PDE1C: variants seen among roughly 807,000 people sequenced by gnomAD.
PDE1C encodes the protein dual specificity calcium/calmodulin-dependent 3',5'-cyclic nucleotide phosphodiesterase 1C.
Under a neutral mutation model 93.1 loss-of-function variants are expected in PDE1C, and 62 were observed. That is an observed-to-expected ratio of 0.67 (90% CI 0.54 to 0.82). PDE1C has a LOEUF of 0.82. Among genes scored for constraint, PDE1C ranks in the 40% least tolerant of loss-of-function variants. The pLI is 0.00. For missense variants in PDE1C, 742 were observed against 884.6 expected, an observed-to-expected ratio of 0.84 and a Z score of 2.04; for synonymous variants, 325 against 310.1, an observed-to-expected ratio of 1.05 and a Z score of -0.50.
At chr7:32,267,470 G>A (rs1429649940) in intron 1 of PDE1C, among the ~76,000 whole-genome samples, 1 of 152,168 alleles carries the variant, frequency 6.6e-6, no homozygotes, top group Non-Finnish European at 1.5e-5. Context: ...AGGTAGAAGG[G>A]GGTGACCCAT....
intron 2 of PDE1C, among the ~76,000 whole-genome samples, chr7:32,012,944 C>G (rs1787355936): frequency 6.6e-6 from 1 of 152,142 alleles, no homozygotes; most frequent in Non-Finnish European, 1.5e-5. Flanking sequence ...CAACTGATAA[C>G]TAATTCAATC....
At chr7:31,868,670 T>C (rs1188235651) in intron 6 of PDE1C, among the ~76,000 whole-genome samples, 1 of 152,060 alleles carries the variant, frequency 6.6e-6, no homozygotes, top group Non-Finnish European at 1.5e-5. Flanking sequence ...AGCAATAGAC[T>C]TAGACACCCA....
At chr7:31,900,458 G>C (rs1799831017) in intron 2 of PDE1C, among the ~76,000 whole-genome samples, 1 of 146,298 alleles carries the variant, frequency 6.8e-6, no homozygotes, top group Admixed American at 6.9e-5. Flanking sequence ...ATTGAAAGTT[G>C]TGAAAGTACT....
chr7:32,302,657 A>G, upstream of PDE1C, among the ~76,000 whole-genome samples: 1 of 152,264 alleles, frequency 6.6e-6, no homozygotes, highest in East Asian at 1.9e-4. Context: ...ATTAATGGCA[A>G]GTTCTTGTTG....
intron 1 of PDE1C, among the ~76,000 whole-genome samples, chr7:32,318,755 C>T (rs1783223897): frequency 6.6e-6 from 1 of 152,154 alleles, no homozygotes; most frequent in African/African-American, 2.4e-5. Flanking sequence ...AGATGCATTA[C>T]ATTTGCCCGC....
At chr7:32,070,505 G>T, upstream of PDE1C, 1 of 1,528,774 alleles carries the variant, frequency 6.5e-7, no homozygotes, top group South Asian at 1.3e-5. Flanking sequence ...CGTTTGCCCG[G>T]CACTTTCTCG....
chr7:32,218,658 A>C (rs1806611162), intron 1 of PDE1C, among the ~76,000 whole-genome samples: 1 of 152,200 alleles, frequency 6.6e-6, no homozygotes, highest in Admixed American at 6.5e-5. Context: ...AAGTTTGCTT[A>C]TTTATCTACA....
intron 1 of PDE1C, among the ~76,000 whole-genome samples, chr7:32,226,711 G>A (rs546132021): frequency 6.6e-5 from 10 of 152,320 alleles, no homozygotes; most frequent in South Asian, 6.2e-4. Flanking sequence ...TGTCTAGCAC[G>A]TAGGAAGCAC....
At chr7:32,184,089 T>C (rs4302735) in intron 2 of PDE1C, among the ~76,000 whole-genome samples, 65,826 of 151,940 alleles carry the variant, frequency 0.43, 15,320 homozygotes, top group East Asian at 0.76. Context: ...AAGTCAAAAC[T>C]ACAATGAGAT....
intron 17 of PDE1C, among the ~76,000 whole-genome samples, chr7:31,769,746 T>C (rs932485491): frequency 6.6e-6 from 1 of 152,188 alleles, no homozygotes; most frequent in African/African-American, 2.4e-5. Flanking sequence ...CTCATATCCA[T>C]GAGAAGTCAC....
At chr7:32,253,066 T>C (rs986271316) in intron 1 of PDE1C, among the ~76,000 whole-genome samples, 2 of 152,094 alleles carry the variant, frequency 1.3e-5, no homozygotes, top group African/African-American at 4.8e-5. Flanking sequence ...GGCTGCTGAA[T>C]GGAGAATGGA....
chr7:31,996,777 A>G (rs1351342364), intron 2 of PDE1C, among the ~76,000 whole-genome samples: 1 of 152,264 alleles, frequency 6.6e-6, no homozygotes, highest in Non-Finnish European at 1.5e-5. Context: ...TAGTGATTTT[A>G]TAATTTATAC....
rs149129241 is a variant in PDE1C, at chr7:31,989,515, T to G, written c.128+62039A>C. Among the ~76,000 whole-genome samples the G allele has an allele frequency of 4.1e-3, 629 of 152,334 alleles. 3 individuals are homozygous for G. The highest frequency in any genetic ancestry group is 0.014 in the African/African-American group (584 of 41,584). The stretch of plus-strand genomic sequence containing the variant: ...TGAAACTTTTATCTAATTTTTCTTC[T>G]TCCATTTGGCGTATATATATGCACA... On this transcript the variant is annotated intron_variant, in intron 2 of 17. Coordinates refer to ENST00000396191, the MANE Select transcript of PDE1C (RefSeq NM_001191057.4).
chr7:31,769,273 T>A (rs1795330153), intron 17 of PDE1C, among the ~76,000 whole-genome samples: 1 of 152,252 alleles, frequency 6.6e-6, no homozygotes, highest in African/African-American at 2.4e-5. Flanking sequence ...TGGCTTCTAC[T>A]GTTACCAATG....
intron 1 of PDE1C, among the ~76,000 whole-genome samples, chr7:32,062,667 T>G (rs1794949488): frequency 6.6e-6 from 1 of 152,178 alleles, no homozygotes; most frequent in South Asian, 2.1e-4. Flanking sequence ...GCAGCACTCG[T>G]CACAGCAGGT....
chr7:31,617,897 C>CTGCAGGAAAA, the PDE1C span, among the ~76,000 whole-genome samples: 2 of 152,140 alleles, frequency 1.3e-5, no homozygotes, highest in Non-Finnish European at 2.9e-5. Flanking sequence ...CTACAAATCA[C>CTGCAGGAAAA]TGCAGGAAAA....
chr7:31,999,463 CA>C lies in PDE1C; in HGVS notation c.128+52090del, dbSNP rs537527187. Among the ~76,000 whole-genome samples the C allele has an allele frequency of 1.9e-3, 289 of 152,272 alleles. 1 individual carries two copies. The highest frequency in any genetic ancestry group is 6.4e-3 in the African/African-American group (267 of 41,560). On this transcript the variant is annotated intron_variant, in intron 2 of 17. Coordinates refer to ENST00000396191, the MANE Select transcript of PDE1C (RefSeq NM_001191057.4). ...TAAGGGCAGGGGAACTGTGCAAAAC[CA>C]TGCTCAGTAGAGCCCAACAGAGCCT...
chr7:32,182,156 T>C (rs1399924344), intron 2 of PDE1C, among the ~76,000 whole-genome samples: 3 of 152,136 alleles, frequency 2.0e-5, no homozygotes, highest in East Asian at 1.9e-4. Flanking sequence ...AGGCAATAAT[T>C]AATAGCTTAC....
chr7:32,054,615 T>C lies in PDE1C; in HGVS notation c.102-3035A>G, dbSNP rs138730586. On this transcript the variant is annotated intron_variant, in intron 1 of 17. Transcript: ENST00000396191. ...CACCCATACACATCAAAAGATGGGT[T>C]GTGCATCTGGTAGACCCAAAGAAAG... is the stretch of plus-strand genomic sequence containing the variant. 5.0e-3 allele frequency among the ~76,000 whole-genome samples: 766 copies of C among 152,324 alleles called. 5 individuals are homozygous for C. Among genetic ancestry groups the C allele is most frequent in the African/African-American group, 0.017 (726 of 41,584 alleles).
Sources: gnomAD v4.1 joint callset for allele counts (sites outside exome capture counted in the v4.1 genomes callset) on GRCh38, gnomAD v4.1.1 for gene constraint, MANE v1.5 for transcripts, NCBI Gene and HGNC (gene_info 2026-07-23, HGNC 2026-07-21) for gene names.